Variants in TNNI3K observed in about 807,000 individuals in gnomAD.
The protein encoded by TNNI3K is TNNI3 interacting kinase, also known as serine/threonine-protein kinase TNNI3K.
A neutral mutation model predicts 114.5 loss-of-function variants in TNNI3K; 140 were observed. The observed-to-expected ratio is 1.22, with a 90% CI of 1.07 to 1.41. TNNI3K has a LOEUF of 1.41. TNNI3K is among the 40% of genes most tolerant of loss of function. TNNI3K has a pLI of 0.00. For synonymous variants in TNNI3K, 347 were observed against 347.5 expected, an observed-to-expected ratio of 1.00 and a Z score of 0.02; for missense variants, 1,125 against 1,007.6, an observed-to-expected ratio of 1.12 and a Z score of -1.58.
intron 4 of TNNI3K, among the ~76,000 whole-genome samples, chr1:74,270,358 G>T (rs994164006): frequency 2.0e-5 from 3 of 151,158 alleles, no homozygotes; most frequent in African/African-American, 4.9e-5. Context: ...AATCAGCTTA[G>T]CTTCAGTGGG....
intron 17 of TNNI3K, among the ~76,000 whole-genome samples, chr1:74,423,146 G>A (rs1346053698): frequency 6.6e-6 from 1 of 151,814 alleles, no homozygotes; most frequent in Non-Finnish European, 1.5e-5. Flanking sequence ...GATGCCAAAG[G>A]TCGCTTCCAC....
rs1016246540 is a variant in TNNI3K at position 74,369,072 on chromosome 1, C to G, written c.1372C>G (p.Leu458Val). ...LRAGLPSHFH[L>V]QLSEIEFHEI... is the part of the protein sequence containing the mutation. The stretch of plus-strand genomic sequence containing the variant: ...AGCTGGATTGCCTTCACATTTCCAT[C>G]TTCAGCTCTCAGAAATTGAGTTCCA... Residue 458 changes from leucine (L) to valine (V), a missense_variant, in exon 14 of 25, where the codon CTT (leucine) becomes GTT (valine). By Grantham distance (32) the Leu-to-Val change is conservative. Transcript: ENST00000326637. 1.2e-6 allele frequency: 2 copies of G among 1,610,166 alleles called. No individual in the cohort carries two copies. Among genetic ancestry groups the G allele is most frequent in the Non-Finnish European group, 1.7e-6 (2 of 1,178,344 alleles).
intron 5 of TNNI3K, among the ~76,000 whole-genome samples, chr1:74,275,701 C>T (rs567237967): frequency 2.0e-5 from 3 of 152,120 alleles, no homozygotes; most frequent in Admixed American, 6.6e-5. Flanking sequence ...TGTGAAGAGT[C>T]CCTCTAGGTA....
chr1:74,327,439 A>G (rs1055186179), intron 5 of TNNI3K, among the ~76,000 whole-genome samples: 1 of 147,586 alleles, frequency 6.8e-6, no homozygotes, highest in Non-Finnish European at 1.5e-5. Flanking sequence ...TGAGATATAA[A>G]ATACTGCTAC....
chr1:74,249,375 C>A, intron 2 of TNNI3K, 84 bp from the exon 3 acceptor site: 1 of 1,362,652 alleles, frequency 7.3e-7, no homozygotes, highest in African/African-American at 1.5e-5. Context: ...TTGATAGTAA[C>A]AGGATTTGCA....
intron 20 of TNNI3K, among the ~76,000 whole-genome samples, chr1:74,463,008 G>A (rs1667515313): frequency 6.6e-6 from 1 of 152,168 alleles, no homozygotes; most frequent in Non-Finnish European, 1.5e-5. Flanking sequence ...AGTGATACAG[G>A]TGCTATGAGA....
At chr1:74,256,998 A>T (rs1655355231) in intron 4 of TNNI3K, among the ~76,000 whole-genome samples, 1 of 152,122 alleles carries the variant, frequency 6.6e-6, no homozygotes, top group Non-Finnish European at 1.5e-5. Flanking sequence ...AGAAATTTTG[A>T]CCATTAGTTT....
chr1:74,533,826 A>G (rs1646624955), intron 23 of TNNI3K, among the ~76,000 whole-genome samples: 1 of 152,136 alleles, frequency 6.6e-6, no homozygotes, highest in African/African-American at 2.4e-5. Flanking sequence ...AAAACCAAAC[A>G]CCGCATGTTC....
rs771523559 is a variant in TNNI3K at position 74,492,093 on chromosome 1, T to C, written c.2182-4T>C. 6.5e-7 allele frequency: 1 copy of C among 1,537,426 alleles called. No individual in the cohort carries two copies. Among genetic ancestry groups the C allele is most frequent in the African/African-American group, 1.4e-5 (1 of 73,880 alleles). ...ACAATTGAAATTGCCCCTCCTCCAC[T>C]CAGCTGATGTCTCCTGCATCAAGTA... On this transcript the variant is annotated splice_polypyrimidine_tract_variant and splice_region_variant and intron_variant, in intron 22 of 24. Transcript: ENST00000326637.
At chr1:74,509,726 G>A (rs945722129) in intron 23 of TNNI3K, among the ~76,000 whole-genome samples, 2 of 131,084 alleles carry the variant, frequency 1.5e-5, no homozygotes, top group African/African-American at 5.6e-5. Context: ...ACTGCTTTCT[G>A]GTTTTGAGTG....
At chr1:74,527,695 G>GGAAT (rs1419790276) in intron 23 of TNNI3K, among the ~76,000 whole-genome samples, 2 of 152,162 alleles carry the variant, frequency 1.3e-5, no homozygotes, top group Non-Finnish European at 2.9e-5. Context: ...CTGAGGGATT[G>GGAAT]GAATCAGGGA....
chr1:74,535,982 T>A (rs572582179), intron 23 of TNNI3K, among the ~76,000 whole-genome samples: 2 of 152,170 alleles, frequency 1.3e-5, no homozygotes, highest in African/African-American at 4.8e-5. Context: ...AAATCTAGAA[T>A]GATTTTCTTT....
chr1:74,516,452 G>C (rs556848504), intron 23 of TNNI3K, among the ~76,000 whole-genome samples: 2 of 152,204 alleles, frequency 1.3e-5, no homozygotes, highest in African/African-American at 4.8e-5. Flanking sequence ...AGGTGTCACA[G>C]TAAAGAGATG....
intron 16 of TNNI3K, 110 bp downstream of exon 16, chr1:74,369,695 C>G (rs1662492197): frequency 7.9e-7 from 1 of 1,271,556 alleles, no homozygotes; most frequent in Non-Finnish European, 1.0e-6. Flanking sequence ...AATCTGAGTG[C>G]TGCTAGCAAG....
In TNNI3K at chr1:74,439,511, G is replaced by T. The variant is rs1666281928; in HGVS notation, c.1900G>T (p.Glu634Ter). The stretch of plus-strand genomic sequence containing the variant: ...GCAGAACCTCCGTTGGATGGCTCCT[G>T]AGGTGTTCACGCAGTGCACTCGGTA... ...QPGNLRWMAP[E>*]VFTQCTRYTI... The change falls in exon 20 of 25, where the codon GAG becomes TAG. Residue 634 changes from glutamate to a stop codon, truncating the protein, a stop_gained. Coordinates refer to ENST00000326637, the MANE Select transcript of TNNI3K (RefSeq NM_015978.3). LOFTEE classifies it high-confidence loss of function. 1 of 1,613,320 alleles carries T rather than the reference G, an allele frequency of 6.2e-7. No homozygotes were observed. The highest frequency in any genetic ancestry group is 8.5e-7 in the Non-Finnish European group (1 of 1,179,568).
At chr1:74,283,095 T>C (rs1657112014) in intron 5 of TNNI3K, among the ~76,000 whole-genome samples, 1 of 152,228 alleles carries the variant, frequency 6.6e-6, no homozygotes, top group Admixed American at 6.5e-5. Context: ...AAACTTGATA[T>C]ACCTTCATTT....
intron 17 of TNNI3K, among the ~76,000 whole-genome samples, chr1:74,422,736 T>C (rs561050300): frequency 3.2e-4 from 48 of 152,122 alleles, no homozygotes; most frequent in African/African-American, 1.1e-3. Context: ...TGGAGTTAAA[T>C]AGAACAGCTA....
At chr1:74,376,827 A>T (rs576951506) in intron 17 of TNNI3K, 3 of 152,014 alleles carry the variant, frequency 2.0e-5, no homozygotes, top group East Asian at 1.9e-4. Flanking sequence ...CATTAAAAAA[A>T]AAAATAAAAG....
chr1:74,304,843 TG>T (rs1374499383), intron 5 of TNNI3K, among the ~76,000 whole-genome samples: 1 of 152,230 alleles, frequency 6.6e-6, no homozygotes, highest in African/African-American at 2.4e-5. Flanking sequence ...ATAACTATTT[TG>T]TGCACTGGGA....
Sources: allele counts gnomAD v4.1 joint callset (sites outside exome capture counted in the v4.1 genomes callset), GRCh38; gene constraint gnomAD v4.1.1; transcripts MANE v1.5; gene names NCBI Gene and HGNC (gene_info 2026-07-23, HGNC 2026-07-21).